Variants in AGBL4 observed in about 807,000 individuals in gnomAD.
AGBL4 encodes cytosolic carboxypeptidase 6.
A neutral mutation model predicts 66.4 loss-of-function variants in AGBL4; 58 were observed. The observed-to-expected ratio is 0.87, with a 90% CI of 0.71 to 1.09. AGBL4 has a LOEUF of 1.09. AGBL4 is among the 50% of genes least tolerant of loss of function. The probability of loss-of-function intolerance (pLI) is 0.00; values close to 1 mark genes in which losing one functional copy is unlikely to be tolerated. For synonymous variants in AGBL4, 234 were observed against 222.9 expected (o/e 1.05, Z -0.44); for missense variants, 579 against 631.0 (o/e 0.92, Z 0.88).
chr1:49,906,349 C>T (rs1650273812), intron 1 of AGBL4, among the ~76,000 whole-genome samples: 1 of 151,992 alleles, frequency 6.6e-6, no homozygotes, highest in Admixed American at 6.6e-5. Context: ...ACCAGAAGAA[C>T]CCTTAGAGAT....
chr1:49,917,816 T>C (rs1175461058), intron 1 of AGBL4, among the ~76,000 whole-genome samples: 2 of 152,152 alleles, frequency 1.3e-5, no homozygotes, highest in Non-Finnish European at 2.9e-5. Flanking sequence ...TATTCCAAAA[T>C]TGACCACATA....
In AGBL4 at chr1:49,598,914, C is replaced by T. The variant is rs567703113; in HGVS notation, c.282+98399G>A. ...GTGATGGATTACATTTATTGATTTG[C>T]GTACGTTGAACCAGCCTTGCATCCC... On this transcript the variant is annotated intron_variant, in intron 3 of 13. Coordinates refer to ENST00000371839, the MANE Select transcript of AGBL4 (RefSeq NM_032785.4). 7.9e-5 allele frequency among the ~76,000 whole-genome samples: 12 copies of T among 152,246 alleles called. No homozygotes were observed. In the South Asian group the frequency reaches 1.7e-3, roughly 21 times the overall value.
chr1:48,594,591 C>A (rs319964), intron 9 of AGBL4, among the ~76,000 whole-genome samples: 42,177 of 151,792 alleles, frequency 0.28, 6,093 homozygotes, highest in South Asian at 0.34. Context: ...ACAGTTTATC[C>A]ATCTTTTCTT....
At chr1:49,469,254 CA>C (rs1646692963) in intron 3 of AGBL4, among the ~76,000 whole-genome samples, 1 of 151,636 alleles carries the variant, frequency 6.6e-6, no homozygotes. Context: ...TTATGTTTCT[CA>C]AATGTCCTTT....
chr1:49,796,484 G>T (rs1190398555), intron 2 of AGBL4, among the ~76,000 whole-genome samples: 2 of 150,812 alleles, frequency 1.3e-5, no homozygotes, highest in Admixed American at 6.6e-5. Context: ...ATAATATTCT[G>T]TTACAAAGAC....
At chr1:49,012,020 TTAAAA>T (rs1378960057) in intron 5 of AGBL4, among the ~76,000 whole-genome samples, 2 of 150,774 alleles carry the variant, frequency 1.3e-5, no homozygotes, top group Non-Finnish European at 2.9e-5. Flanking sequence ...ACCCTAAAAC[TTAAAA>T]TATAATAATA....
chr1:49,142,962 T>C (rs1282591085), intron 4 of AGBL4, among the ~76,000 whole-genome samples: 2 of 152,114 alleles, frequency 1.3e-5, no homozygotes, highest in Admixed American at 1.3e-4. Flanking sequence ...CTGCAAGGGA[T>C]AGAAAAATAA....
At chr1:48,857,403 A>C (rs1012125049) in intron 6 of AGBL4, among the ~76,000 whole-genome samples, 1 of 152,244 alleles carries the variant, frequency 6.6e-6, no homozygotes, top group Non-Finnish European at 1.5e-5. Flanking sequence ...AATTTAAGAG[A>C]TAAAGCTATA....
chr1:48,891,693 AT>A (rs1311217233), intron 5 of AGBL4, among the ~76,000 whole-genome samples: 2 of 152,210 alleles, frequency 1.3e-5, no homozygotes, highest in Non-Finnish European at 2.9e-5. Context: ...CAGGCAGAAA[AT>A]TTGGTGGCTG....
chr1:49,921,309 G>GA (rs376366960), intron 1 of AGBL4, among the ~76,000 whole-genome samples: 80 of 151,338 alleles, frequency 5.3e-4, no homozygotes, highest in Non-Finnish European at 6.5e-4. Flanking sequence ...AAGGGTCTTA[G>GA]AAAAAAAATT....
chr1:49,511,978 A>T (rs1430997643), intron 3 of AGBL4, among the ~76,000 whole-genome samples: 1 of 152,046 alleles, frequency 6.6e-6, no homozygotes, highest in Non-Finnish European at 1.5e-5. Context: ...TGCCCTCTGC[A>T]TGGATCATCA....
At chr1:49,061,132 G>A (rs140234780) in intron 4 of AGBL4, among the ~76,000 whole-genome samples, 1 of 152,254 alleles carries the variant, frequency 6.6e-6, no homozygotes, top group Non-Finnish European at 1.5e-5. Context: ...AGCTCTCCTG[G>A]GGGCGAAAGT....
intron 3 of AGBL4, among the ~76,000 whole-genome samples, chr1:49,513,992 G>C (rs1433437159): frequency 1.3e-5 from 2 of 151,990 alleles, no homozygotes; most frequent in Admixed American, 1.3e-4. Flanking sequence ...TTGCGAATGG[G>C]AGTTCACTCA....
At chr1:49,574,103 A>G (rs1263406944) in intron 3 of AGBL4, among the ~76,000 whole-genome samples, 4 of 152,192 alleles carry the variant, frequency 2.6e-5, no homozygotes, top group Non-Finnish European at 5.9e-5. Context: ...CTAAAGTCTC[A>G]GTGGGCCCCT....
chr1:49,916,250 T>C (rs1651474536), intron 1 of AGBL4, among the ~76,000 whole-genome samples: 1 of 152,010 alleles, frequency 6.6e-6, no homozygotes, highest in Non-Finnish European at 1.5e-5. Context: ...CTTTGATGAG[T>C]TGAGAGAAGA....
intron 6 of AGBL4, among the ~76,000 whole-genome samples, chr1:48,862,558 T>A (rs1342811470): frequency 6.6e-6 from 1 of 152,108 alleles, no homozygotes; most frequent in Non-Finnish European, 1.5e-5. Flanking sequence ...CCTGACCTCG[T>A]GATCTGCCTG....
intron 5 of AGBL4, among the ~76,000 whole-genome samples, chr1:48,919,075 T>C (rs1375035918): frequency 1.3e-5 from 2 of 152,290 alleles, no homozygotes. Flanking sequence ...GAAAATAAAC[T>C]GTAGTCACAG....
rs557560632 is a variant in AGBL4 at position 49,353,200 on chromosome 1, G to A, written c.283-107336C>T. ...AGTCCGTCTCTGCTGTTAAAACACT[G>A]TATGTCCTTGGGCAATTAAAGTTTC... On this transcript the variant is annotated intron_variant, in intron 3 of 13. Transcript: ENST00000371839. Among the ~76,000 whole-genome samples the A allele has an allele frequency of 2.0e-5, 3 of 152,284 alleles. No homozygotes were observed. In the South Asian group the frequency reaches 6.2e-4, roughly 32 times the overall value.
At chr1:49,247,069 C>T (rs545226432) in intron 3 of AGBL4, among the ~76,000 whole-genome samples, 25 of 152,038 alleles carry the variant, frequency 1.6e-4, no homozygotes, top group Middle Eastern at 3.4e-3. Context: ...TGAAGTCATA[C>T]TAGTAGATGA....
Sources: allele counts gnomAD v4.1 joint callset (sites outside exome capture counted in the v4.1 genomes callset), GRCh38; gene constraint gnomAD v4.1.1; transcripts MANE v1.5; gene names NCBI Gene and HGNC (gene_info 2026-07-23, HGNC 2026-07-21).